Variants in NCOR1 observed in about 807,000 individuals in gnomAD.
NCOR1 encodes nuclear receptor corepressor 1.
Under a neutral mutation model 288.1 loss-of-function variants are expected in NCOR1, and 63 were observed. The ratio of observed to expected loss-of-function variants is 0.22; its 90% confidence interval spans 0.18 to 0.27. NCOR1 has a LOEUF of 0.27. Among genes scored for constraint, NCOR1 ranks in the 10% least tolerant of loss-of-function variants. The pLI, the probability that NCOR1 is intolerant of heterozygous loss-of-function variation, is 1.00. For synonymous variants in NCOR1, 1,007 were observed against 1,065.9 expected, an observed-to-expected ratio of 0.94 and a Z score of 1.08; for missense variants, 2,397 against 3,019.2, an observed-to-expected ratio of 0.79 and a Z score of 4.83.
chr17:16,112,558 C>T (rs1468107701), intron 18 of NCOR1, among the ~76,000 whole-genome samples: 3 of 152,140 alleles, frequency 2.0e-5, no homozygotes, highest in South Asian at 2.1e-4. Context: ...TACAGTGGCG[C>T]GATCTCAGCT....
intron 21 of NCOR1, among the ~76,000 whole-genome samples, chr17:16,093,578 C>A (rs1000017823): frequency 6.6e-6 from 1 of 152,118 alleles, no homozygotes; most frequent in Admixed American, 6.5e-5. Context: ...ACAAATATCC[C>A]TAGAAAGCCC....
intron 14 of NCOR1, among the ~76,000 whole-genome samples, chr17:16,136,533 G>A (rs747148088): frequency 9.9e-5 from 15 of 152,170 alleles, no homozygotes; most frequent in South Asian, 2.1e-4. Flanking sequence ...TAGGCTGGGC[G>A]CGGTGGCTCA....
At chr17:16,200,260 G>A (rs1470321682) in intron 1 of NCOR1, among the ~76,000 whole-genome samples, 3 of 151,946 alleles carry the variant, frequency 2.0e-5, no homozygotes, top group South Asian at 2.1e-4. Flanking sequence ...AGCCAAGGCC[G>A]GCGGATCACA....
intron 18 of NCOR1, 72 bp downstream of exon 18, chr17:16,117,816 C>A: frequency 6.9e-7 from 1 of 1,452,452 alleles, no homozygotes; most frequent in East Asian, 2.3e-5. Context: ...AGTGAGACTC[C>A]ATCTCAAACA....
chr17:16,071,694 A>T (rs780009066), intron 29 of NCOR1, 29 bp from the exon 30 acceptor site: 24 of 1,594,154 alleles, frequency 1.5e-5, no homozygotes, highest in Non-Finnish European at 2.0e-5. Context: ...AAACATTAAA[A>T]TAATGCTGAT....
intron 18 of NCOR1, among the ~76,000 whole-genome samples, chr17:16,114,227 AT>A (rs1400503987): frequency 6.6e-6 from 1 of 151,510 alleles, no homozygotes; most frequent in Non-Finnish European, 1.5e-5. Flanking sequence ...CTTATTCACT[AT>A]CACAAAAATA....
chr17:16,110,685 A>C (rs1433007373), intron 18 of NCOR1, among the ~76,000 whole-genome samples: 1 of 152,122 alleles, frequency 6.6e-6, no homozygotes, highest in Admixed American at 6.5e-5. Flanking sequence ...TCCCAGTGAG[A>C]CTCCTCAGAA....
At chr17:16,138,353 A>G (rs1223331292) in intron 12 of NCOR1, 141 bp from the exon 13 acceptor site, 8 of 642,976 alleles carry the variant, frequency 1.2e-5, no homozygotes, top group Non-Finnish European at 1.9e-5. Flanking sequence ...GGGAGGCCGA[A>G]GAAGGTGGAT....
intron 34 of NCOR1, 49 bp downstream of exon 34, chr17:16,064,821 T>A: frequency 6.8e-7 from 1 of 1,474,650 alleles, no homozygotes; most frequent in South Asian, 1.4e-5. Context: ...GTTGTAAAAA[T>A]GTAAACATGA....
rs1422388328 is a variant in NCOR1, at chr17:16,181,207, A to ATGTG, written c.242+5346_242+5347insCACA. Among the ~76,000 whole-genome samples, 64 of 85,804 alleles carry ATGTG rather than the reference A, an allele frequency of 7.5e-4. 1 individual carries two copies. Among genetic ancestry groups the ATGTG allele is most frequent in the South Asian group, 2.0e-3 (4 of 2,018 alleles). 56.3% of individuals were successfully genotyped at this position (85,804 alleles called of 152,430 possible). A position where few individuals can be genotyped will look rare whatever the true frequency, so the allele number is the denominator to read the frequency against. On this transcript the variant is annotated intron_variant, in intron 3 of 45. Transcript: ENST00000268712. ...GTGATGTGTGTGTGTATACATATAT[A>ATGTG]TGTATGTGTGTGTGTGTGTGTGTGT...
At chr17:16,060,185 G>A (rs1473932387) in intron 37 of NCOR1, among the ~76,000 whole-genome samples, 3 of 152,144 alleles carry the variant, frequency 2.0e-5, no homozygotes, top group Admixed American at 2.0e-4. Flanking sequence ...CATAGCCTTT[G>A]GACATCATGG....
Position 16,138,194 on chromosome 17 carries a change from T to C in NCOR1, c.1371A>G (p.Lys457=), listed in dbSNP as rs1471494602. ...IFKDKFIQHP[K]NFGLIASYLE... The stretch of plus-strand genomic sequence containing the variant: ...AGTATGATGCAATTAGTCCAAAGTT[T>C]TTTGGATGCTGGATAAACCTGAGTG... Residue 457 remains lysine (K), a synonymous_variant, in exon 13 of 46, where the codon AAA becomes AAG. Transcript: ENST00000268712. The C allele has an allele frequency of 6.8e-6, 11 of 1,613,498 alleles. No individual in the cohort carries two copies. Among genetic ancestry groups the C allele is most frequent in the South Asian group, 1.1e-5 (1 of 91,022 alleles).
intron 3 of NCOR1, among the ~76,000 whole-genome samples, chr17:16,186,122 G>A (rs577803875): frequency 6.6e-6 from 1 of 152,258 alleles, no homozygotes; most frequent in African/African-American, 2.4e-5. Context: ...TTATAGGAGG[G>A]AAAACTAAAG....
chr17:16,056,308 C>CTTTTTTTTTTTT lies in NCOR1; in HGVS notation c.6392+1194_6392+1205dup, dbSNP rs71299858. 1.1e-3 allele frequency among the ~76,000 whole-genome samples: 105 copies of CTTTTTTTTTTTT among 95,988 alleles called. 2 individuals carry two copies. Among genetic ancestry groups the CTTTTTTTTTTTT allele is most frequent in the East Asian group, 2.9e-3 (10 of 3,404 alleles). The allele number at this position is 95,988 out of a possible 152,430, so 63.0% of individuals were successfully genotyped here. A position where few individuals can be genotyped will look rare whatever the true frequency, so the allele number is the denominator to read the frequency against. The stretch of plus-strand genomic sequence containing the variant: ...GTCTTGTTCTCAGCATTCTTTTTAT[C>CTTTTTTTTTTTT]TTTTTTTTTTTTTTTTTTTTTTGAG... On this transcript the variant is annotated intron_variant, in intron 40 of 45. Transcript: ENST00000268712.
At position 16,086,368 on chromosome 17, in the gene NCOR1, T is replaced by C; in HGVS notation, c.3091A>G (p.Arg1031Gly). Residue 1031 changes from arginine to glycine, a missense_variant, in exon 23 of 46, where the codon AGG becomes GGG. Around this residue, in one of 11 missense-constraint regions of NCOR1, gnomAD observed 1,872 missense variants for 2,187.8 expected, o/e 0.86. Transcript: ENST00000268712. ...GVRLPTTRPTRPPPPLIPSSK... is the reference protein window; with the variant it reads ...GVRLPTTRPTGPPPPLIPSSK... ...GACGGGATGAGAGGGGGCGGTGGCC[T>C]GGTTGGTCGAGTTGTCGGAAGCCGA... 1 of 1,614,152 alleles carries C rather than the reference T, an allele frequency of 6.2e-7. No individual in the cohort carries two copies.
At chr17:16,071,754 G>C in intron 29 of NCOR1, 89 bp from the exon 30 acceptor site, 1 of 1,198,512 alleles carries the variant, frequency 8.3e-7, no homozygotes, top group South Asian at 1.6e-5. Flanking sequence ...GGTTAAAATG[G>C]TAAATTTTGT....
chr17:16,148,184 G>C (rs2078289405), intron 9 of NCOR1, among the ~76,000 whole-genome samples: 2 of 152,262 alleles, frequency 1.3e-5, no homozygotes, highest in South Asian at 4.1e-4. Context: ...ATACAACCTG[G>C]CTCTGGCTTC....
chr17:16,088,542 A>T, intron 22 of NCOR1, among the ~76,000 whole-genome samples: 1 of 152,144 alleles, frequency 6.6e-6, no homozygotes, highest in Admixed American at 6.6e-5. Context: ...TCCTGTAAAT[A>T]ATTTGTCTTT....
chr17:16,213,748 A>G (rs1246468448), intron 1 of NCOR1, among the ~76,000 whole-genome samples: 2 of 152,198 alleles, frequency 1.3e-5, no homozygotes, highest in African/African-American at 4.8e-5. Flanking sequence ...ATGTTTACCT[A>G]ATATTCAAGA....
Sources: gnomAD v4.1 joint callset for allele counts (sites outside exome capture counted in the v4.1 genomes callset) on GRCh38, gnomAD v4.1.1 for gene constraint, gnomAD v4.1.1 regional missense constraint, MANE v1.5 for transcripts, NCBI Gene and HGNC (gene_info 2026-07-23, HGNC 2026-07-21) for gene names.